NRG3: variants seen among roughly 807,000 people sequenced by gnomAD.
NRG3 encodes pro-neuregulin-3, membrane-bound isoform.
Under a neutral mutation model 66.9 loss-of-function variants are expected in NRG3, and 31 were observed. The ratio of observed to expected loss-of-function variants is 0.46; its 90% CI spans 0.35 to 0.63. NRG3 has a LOEUF of 0.63. Among genes scored for constraint, NRG3 ranks in the 20% least tolerant of loss-of-function variants. The pLI, the probability that NRG3 is intolerant of heterozygous loss-of-function variation, is 0.00. For synonymous variants in NRG3, 393 were observed against 359.4 expected, an observed-to-expected ratio of 1.09 and a Z score of -1.06; for missense variants, 910 against 878.9, an observed-to-expected ratio of 1.04 and a Z score of -0.45.
At chr10:82,167,278 A>G (rs1021117367) in intron 1 of NRG3, among the ~76,000 whole-genome samples, 6 of 152,048 alleles carry the variant, frequency 3.9e-5, no homozygotes, top group South Asian at 2.1e-4. Context: ...CTGGCATGCA[A>G]TTAATTTACT....
chr10:81,901,675 G>T (rs983312854), intron 1 of NRG3, among the ~76,000 whole-genome samples: 11 of 151,988 alleles, frequency 7.2e-5, no homozygotes, highest in Non-Finnish European at 1.3e-4. Context: ...CTCTAAAAAA[G>T]AAAAGTAAAA....
chr10:82,354,395 CTTT>C (rs11308301), intron 1 of NRG3, among the ~76,000 whole-genome samples: 3 of 141,920 alleles, frequency 2.1e-5, no homozygotes, highest in Non-Finnish European at 1.5e-5. Flanking sequence ...AAAAGTTGTC[CTTT>C]TTTTTTTTTT....
chr10:82,113,387 T>G (rs544440604), intron 1 of NRG3, among the ~76,000 whole-genome samples: 1 of 152,294 alleles, frequency 6.6e-6, no homozygotes, highest in Admixed American at 6.5e-5. Flanking sequence ...AGCTTTTCGC[T>G]GATGGAGACC....
chr10:82,703,064 C>G (rs1360263659), intron 2 of NRG3, among the ~76,000 whole-genome samples: 1 of 151,294 alleles, frequency 6.6e-6, no homozygotes, highest in African/African-American at 2.4e-5. Context: ...CTTTCTCTCT[C>G]TCTCTCGCTC....
intron 2 of NRG3, among the ~76,000 whole-genome samples, chr10:82,547,623 ATGTG>A (rs375420506): frequency 6.6e-6 from 1 of 151,458 alleles, no homozygotes; most frequent in Non-Finnish European, 1.5e-5. Context: ...ATATACATAT[ATGTG>A]TGTGTGTGTA....
At chr10:81,878,163 A>G in intron 1 of NRG3, 1 of 1,366,184 alleles carries the variant, frequency 7.3e-7, no homozygotes, top group African/African-American at 1.5e-5. Flanking sequence ...CCTGTTTAAT[A>G]AGTAATGATT....
intron 3 of NRG3, among the ~76,000 whole-genome samples, chr10:82,766,233 A>G (rs1244206092): frequency 6.6e-6 from 1 of 152,178 alleles, no homozygotes; most frequent in African/African-American, 2.4e-5. Flanking sequence ...TACGAAAGTA[A>G]ACAGCAGCAA....
chr10:82,079,529 G>A (rs554054576), intron 1 of NRG3, among the ~76,000 whole-genome samples: 13 of 152,182 alleles, frequency 8.5e-5, no homozygotes, highest in East Asian at 3.9e-4. Flanking sequence ...TCTAGATTTT[G>A]TATATTCTGT....
chr10:82,180,760 T>C (rs1182619056), intron 1 of NRG3, among the ~76,000 whole-genome samples: 3 of 151,916 alleles, frequency 2.0e-5, no homozygotes. Flanking sequence ...GCCTTATACA[T>C]GAGTTTGGAG....
chr10:82,870,852 TTC>T (rs888939837), intron 4 of NRG3, among the ~76,000 whole-genome samples: 4 of 152,214 alleles, frequency 2.6e-5, no homozygotes, highest in East Asian at 1.9e-4. Context: ...TGCAAATATT[TTC>T]TGTCATTCTG....
intron 2 of NRG3, among the ~76,000 whole-genome samples, chr10:82,627,964 C>T (rs1300926000): frequency 6.6e-6 from 1 of 152,114 alleles, no homozygotes; most frequent in Non-Finnish European, 1.5e-5. Context: ...TTCACAGCAG[C>T]CAGATGAGGT....
chr10:82,537,556 G>C (rs868854382), intron 2 of NRG3, among the ~76,000 whole-genome samples: 1 of 152,102 alleles, frequency 6.6e-6, no homozygotes, highest in African/African-American at 2.4e-5. Flanking sequence ...TTACACCTAA[G>C]GGTGGGATAT....
intron 2 of NRG3, among the ~76,000 whole-genome samples, chr10:82,666,331 T>C (rs2134000527): frequency 6.6e-6 from 1 of 152,322 alleles, no homozygotes; most frequent in South Asian, 2.1e-4. Context: ...TAGATGTTCA[T>C]AACTCCTTCC....
chr10:82,457,339 T>A (rs1399064654), intron 2 of NRG3, among the ~76,000 whole-genome samples: 1 of 152,124 alleles, frequency 6.6e-6, no homozygotes, highest in Admixed American at 6.5e-5. Context: ...AGGTATTAGA[T>A]TCTCATAAGG....
intron 2 of NRG3, among the ~76,000 whole-genome samples, chr10:82,413,506 T>C (rs370821470): frequency 3.4e-4 from 52 of 152,262 alleles, no homozygotes; most frequent in African/African-American, 1.2e-3. Flanking sequence ...CCTTACAGTT[T>C]CCGGAATGAT....
chr10:82,965,613 G>A (rs1564674086), intron 6 of NRG3, among the ~76,000 whole-genome samples: 1 of 151,990 alleles, frequency 6.6e-6, no homozygotes, highest in Non-Finnish European at 1.5e-5. Flanking sequence ...GTGGGCGCCT[G>A]TAATCCCACC....
chr10:82,104,000 G>C (rs1281107924), intron 1 of NRG3, among the ~76,000 whole-genome samples: 1 of 150,112 alleles, frequency 6.7e-6, no homozygotes, highest in Non-Finnish European at 1.5e-5. Flanking sequence ...TTTTATACCT[G>C]CTGTATGTGT....
intron 3 of NRG3, among the ~76,000 whole-genome samples, chr10:82,806,714 A>G (rs2061299898): frequency 6.6e-6 from 1 of 152,214 alleles, no homozygotes; most frequent in Admixed American, 6.5e-5. Flanking sequence ...TTTAGGAGTG[A>G]CAACCAGATA....
At chr10:81,922,377 A>G (rs1846336647) in intron 1 of NRG3, among the ~76,000 whole-genome samples, 1 of 152,154 alleles carries the variant, frequency 6.6e-6, no homozygotes, top group African/African-American at 2.4e-5. Context: ...ACATTGTACC[A>G]CTTAAGTAAT....
Sources: allele counts gnomAD v4.1 joint callset (sites outside exome capture counted in the v4.1 genomes callset), GRCh38; gene constraint gnomAD v4.1.1; transcripts MANE v1.5; gene names NCBI Gene and HGNC (gene_info 2026-07-23, HGNC 2026-07-21).